Variants in SMOC2 observed in about 807,000 individuals in gnomAD.
SMOC2 encodes the protein SPARC related modular calcium binding 2.
SMOC2 carries 39 observed loss-of-function variants against 61.4 expected under a neutral mutation model. The ratio of observed to expected loss-of-function variants is 0.64; its 90% CI spans 0.49 to 0.83. The LOEUF is 0.83. Among genes scored for constraint, SMOC2 ranks in the 40% least tolerant of loss-of-function variants. The pLI, the probability that SMOC2 is intolerant of heterozygous loss-of-function variation, is 0.00. For synonymous variants in SMOC2, 247 were observed against 239.9 expected (o/e 1.03, Z -0.27); for missense variants, 556 against 592.9 (o/e 0.94, Z 0.65).
chr6:168,636,850 G>GCCTCCCTCCTCCCA (rs1562396882), intron 9 of SMOC2, among the ~76,000 whole-genome samples: 5 of 121,818 alleles, frequency 4.1e-5, no homozygotes, highest in African/African-American at 1.6e-4. Context: ...TATGCCTCCT[G>GCCTCCCTCCTCCCA]CCTCCCTCCT....
At chr6:168,447,643 G>C (rs1273758928) in intron 1 of SMOC2, among the ~76,000 whole-genome samples, 2 of 152,128 alleles carry the variant, frequency 1.3e-5, no homozygotes, top group African/African-American at 4.8e-5. Flanking sequence ...TCTTAGAAAA[G>C]AGTCTTCCAA....
intron 6 of SMOC2, 53 bp from the exon 7 acceptor site, chr6:168,549,076 A>C (rs959325327): frequency 1.4e-6 from 2 of 1,460,362 alleles, no homozygotes; most frequent in Middle Eastern, 1.7e-4. Flanking sequence ...ACTAAGGAAC[A>C]TTGTGCTTTC....
At chr6:168,662,144 T>G (rs1787525040) in intron 11 of SMOC2, among the ~76,000 whole-genome samples, 1 of 152,242 alleles carries the variant, frequency 6.6e-6, no homozygotes. Flanking sequence ...CATCTATTGA[T>G]TCATTTGAAA....
intron 7 of SMOC2, among the ~76,000 whole-genome samples, chr6:168,572,797 G>C (rs373614706): frequency 2.5e-3 from 38 of 15,194 alleles, no homozygotes; most frequent in South Asian, 9.8e-3. Flanking sequence ...TTCATTTCCT[G>C]CCCGCATCCC....
chr6:168,550,881 T>C (rs1297987064), intron 7 of SMOC2, among the ~76,000 whole-genome samples: 1 of 152,230 alleles, frequency 6.6e-6, no homozygotes, highest in Non-Finnish European at 1.5e-5. Context: ...TTATTTTGAT[T>C]TATTTCTGTT....
intron 11 of SMOC2, among the ~76,000 whole-genome samples, chr6:168,660,158 G>T (rs1787472585): frequency 6.6e-6 from 1 of 152,100 alleles, no homozygotes; most frequent in Non-Finnish European, 1.5e-5. Flanking sequence ...TAAAGAAAAT[G>T]AAAGTCATGG....
At chr6:168,476,643 TG>T (rs1295094058) in intron 1 of SMOC2, among the ~76,000 whole-genome samples, 2 of 152,114 alleles carry the variant, frequency 1.3e-5, no homozygotes, top group African/African-American at 4.8e-5. Context: ...GATGTGTGTG[TG>T]TACATACATA....
chr6:168,500,390 T>G (rs1169997149), intron 1 of SMOC2, among the ~76,000 whole-genome samples: 1 of 152,040 alleles, frequency 6.6e-6, no homozygotes, highest in African/African-American at 2.4e-5. Context: ...GAGGGAACTC[T>G]GAATGCTGGA....
chr6:168,459,796 G>A (rs1781680069), intron 1 of SMOC2, among the ~76,000 whole-genome samples: 1 of 146,164 alleles, frequency 6.8e-6, no homozygotes, highest in African/African-American at 2.5e-5. Context: ...CCCTCTGGTG[G>A]GTGAGCCCCG....
At chr6:168,539,018 G>C (rs1055950940) in intron 4 of SMOC2, among the ~76,000 whole-genome samples, 4 of 152,068 alleles carry the variant, frequency 2.6e-5, no homozygotes, top group African/African-American at 4.8e-5. Context: ...ACCACCAGGG[G>C]ACTGAGTCGC....
At chr6:168,517,092 G>A (rs777208110) in intron 2 of SMOC2, among the ~76,000 whole-genome samples, 2 of 152,206 alleles carry the variant, frequency 1.3e-5, no homozygotes, top group Admixed American at 6.5e-5. Context: ...TTTTGGGGCC[G>A]CTCATCCAAG....
chr6:168,540,256 G>A (rs1274702082), intron 4 of SMOC2, among the ~76,000 whole-genome samples: 1 of 152,248 alleles, frequency 6.6e-6, no homozygotes, highest in Non-Finnish European at 1.5e-5. Context: ...GAGGGCCTGA[G>A]GGCTGCAGGC....
At chr6:168,617,121 T>G (rs143273082) in intron 9 of SMOC2, among the ~76,000 whole-genome samples, 45 of 152,330 alleles carry the variant, frequency 3.0e-4, no homozygotes, top group African/African-American at 1.0e-3. Flanking sequence ...AATATTTCTT[T>G]TGGCTGATAT....
At chr6:168,489,406 C>T (rs565884640) in intron 1 of SMOC2, among the ~76,000 whole-genome samples, 18 of 148,816 alleles carry the variant, frequency 1.2e-4, no homozygotes, top group Non-Finnish European at 2.4e-4. Flanking sequence ...TGAAATATAT[C>T]GAATCGTCTG....
rs1352425785 is a variant in SMOC2 at position 168,453,549 on chromosome 6, C to T, written c.84+12095C>T. On this transcript the variant is annotated intron_variant, in intron 1 of 12. Transcript: ENST00000356284. The surrounding 1 kb of genome is among the most constrained non-coding windows in gnomAD (Gnocchi z 4.4). Reference sequence around the variant, plus strand: ...CTCTGTCTCTTTGTCTCTCTCTGTACCTGTCTCTCTGATTCTCTCAGTCTC... The same window carrying T: ...CTCTGTCTCTTTGTCTCTCTCTGTATCTGTCTCTCTGATTCTCTCAGTCTC... Among the ~76,000 whole-genome samples, 1 of 150,716 alleles carries T rather than the reference C, an allele frequency of 6.6e-6. No individual in the cohort carries two copies. Among genetic ancestry groups the T allele is most frequent in the African/African-American group, 2.4e-5 (1 of 40,966 alleles).
intron 1 of SMOC2, among the ~76,000 whole-genome samples, chr6:168,461,178 T>C (rs1781711930): frequency 6.6e-6 from 1 of 152,214 alleles, no homozygotes; most frequent in Non-Finnish European, 1.5e-5. Flanking sequence ...AGAGAGCTTG[T>C]GCAGGGGTAC....
chr6:168,578,872 T>C (rs1784864856), intron 7 of SMOC2, among the ~76,000 whole-genome samples: 1 of 152,142 alleles, frequency 6.6e-6, no homozygotes, highest in African/African-American at 2.4e-5. Context: ...GATTTTCAAG[T>C]AGGGATCGCT....
intron 8 of SMOC2, among the ~76,000 whole-genome samples, chr6:168,603,003 G>A (rs1785592148): frequency 6.6e-6 from 1 of 152,174 alleles, no homozygotes; most frequent in Admixed American, 6.5e-5. Context: ...TGTCGTGGGA[G>A]GGACCTACCC....
chr6:168,488,171 T>C (rs1184732670), intron 1 of SMOC2, among the ~76,000 whole-genome samples: 1 of 152,234 alleles, frequency 6.6e-6, no homozygotes, highest in Non-Finnish European at 1.5e-5. Context: ...ATTGCAGGCC[T>C]GCACTCTGGG....
Sources: gnomAD v4.1 joint callset for allele counts (sites outside exome capture counted in the v4.1 genomes callset) on GRCh38, gnomAD v4.1.1 for gene constraint, Gnocchi (gnomAD v3.1) non-coding constraint, MANE v1.5 for transcripts, NCBI Gene and HGNC (gene_info 2026-07-23, HGNC 2026-07-21) for gene names.